Variants in PLEKHA5 observed in about 807,000 individuals in gnomAD.
PLEKHA5 encodes the protein pleckstrin homology domain containing A5.
In PLEKHA5, 55 loss-of-function variants were observed where a neutral mutation model predicts 181.9. The observed-to-expected ratio is 0.30, with a 90% CI of 0.24 to 0.38. The LOEUF (loss-of-function observed/expected upper bound fraction) is 0.38. PLEKHA5 is among the 10% of genes least tolerant of loss of function. The probability of loss-of-function intolerance (pLI) is 1.00; values close to 1 mark genes in which losing one functional copy is unlikely to be tolerated. For synonymous variants in PLEKHA5, 535 were observed against 529.4 expected, an observed-to-expected ratio of 1.01 and a Z score of -0.15; for missense variants, 1,432 against 1,549.5, an observed-to-expected ratio of 0.92 and a Z score of 1.27.
intron 3 of PLEKHA5, among the ~76,000 whole-genome samples, chr12:19,253,063 C>CTTT (rs1314175368): frequency 5.8e-5 from 3 of 51,992 alleles, no homozygotes; most frequent in Non-Finnish European, 1.7e-4. Context: ...AATCAACTTA[C>CTTT]CTTTTTTTTT....
intron 11 of PLEKHA5, among the ~76,000 whole-genome samples, chr12:19,277,078 T>A (rs1241863774): frequency 1.3e-5 from 2 of 152,098 alleles, no homozygotes; most frequent in Non-Finnish European, 2.9e-5. Flanking sequence ...CAGACATGAA[T>A]AAGCTTATAT....
rs377625940 is a variant in PLEKHA5, at chr12:19,281,007, A to G, written c.1314-2273A>G. Among the ~76,000 whole-genome samples, 34 of 152,212 alleles carry G rather than the reference A, an allele frequency of 2.2e-4. 2 individuals are homozygous for G. The East Asian group carries it at 5.2e-3, about 23-fold the overall frequency. On this transcript the variant is annotated intron_variant, in intron 11 of 31. Transcript: ENST00000429027. ...ATTACAGGCGCAAGCCACCACGCCC[A>G]GCCTAATCTTACTTTTTCTAATCTA...
rs1565844283 is a variant in PLEKHA5, at chr12:19,130,128, C to G, written c.167C>G (p.Thr56Arg). The G allele has an allele frequency of 6.4e-7, 1 of 1,562,638 alleles. No individual in the cohort carries two copies. The highest frequency in any genetic ancestry group is 8.7e-7 in the Non-Finnish European group (1 of 1,154,908). The change falls in exon 2 of 32, where the codon ACA (threonine) becomes AGA (arginine). Residue 56 changes from threonine to arginine, a missense_variant and splice_region_variant. By Grantham distance (71) the Thr-to-Arg change is moderately conservative. Around this residue, in one of 2 missense-constraint regions of PLEKHA5, gnomAD observed 289 missense variants for 381.1 expected, o/e 0.76. Coordinates refer to ENST00000429027, the MANE Select transcript of PLEKHA5 (RefSeq NM_001256470.2). The surrounding 1 kb of genome is among the most constrained non-coding windows in gnomAD (Gnocchi z 4.5). ...GTCACCGGACACCGGCGGCAGAGCA[C>G]AGGTAACGCCGGGCCCAAACGGAGT... ...AVVTGHRRQS[T>R]DLPTGWEEAY...
intron 12 of PLEKHA5, among the ~76,000 whole-genome samples, 172 bp from the exon 13 acceptor site, chr12:19,287,301 G>GC (rs1455414591): frequency 1.3e-5 from 2 of 152,108 alleles, no homozygotes; most frequent in African/African-American, 4.8e-5. Context: ...ACCGCACCCA[G>GC]CCCCACATCA....
At chr12:19,172,397 G>T (rs1283819513) in intron 3 of PLEKHA5, among the ~76,000 whole-genome samples, 1 of 145,324 alleles carries the variant, frequency 6.9e-6, no homozygotes, top group African/African-American at 2.5e-5. Context: ...ATCTGGCAAA[G>T]AAATCATATC....
intron 21 of PLEKHA5, among the ~76,000 whole-genome samples, chr12:19,341,459 G>T (rs1288805514): frequency 2.0e-5 from 3 of 151,988 alleles, no homozygotes; most frequent in Admixed American, 6.6e-5. Context: ...GCAAGGATCT[G>T]TTATTTATAG....
At chr12:19,365,262 G>T (rs2095390250) in intron 29 of PLEKHA5, among the ~76,000 whole-genome samples, 3 of 151,738 alleles carry the variant, frequency 2.0e-5, no homozygotes, top group Admixed American at 6.6e-5. Context: ...TGCTACTCGG[G>T]AGGCTGAGGC....
Position 19,290,744 on chromosome 12 carries a change from A to G in PLEKHA5, c.1931A>G (p.Glu644Gly). Reference sequence around the variant, plus strand: ...CAAGCCGAACTGAGTAGTATCCGGGAGCATACGTTAGCACAGCTCATGCAG... The same window carrying G: ...CAAGCCGAACTGAGTAGTATCCGGGGGCATACGTTAGCACAGCTCATGCAG... ...RQQAELSSIR[E>G]HTLAQLMQLK... The change falls in exon 14 of 32, where the codon GAG becomes GGG. Residue 644 changes from glutamate to glycine, a missense_variant. Around this residue, in one of 2 missense-constraint regions of PLEKHA5, gnomAD observed 1,143 missense variants for 1,168.4 expected, o/e 0.98. Coordinates refer to ENST00000429027, the MANE Select transcript of PLEKHA5 (RefSeq NM_001256470.2). The G allele has an allele frequency of 6.5e-7, 1 of 1,536,176 alleles. No individual in the cohort carries two copies. The highest frequency in any genetic ancestry group is 1.2e-5 in the South Asian group (1 of 84,010).
intron 3 of PLEKHA5, among the ~76,000 whole-genome samples, chr12:19,209,685 A>G (rs1244500972): frequency 6.6e-6 from 1 of 152,226 alleles, no homozygotes; most frequent in Non-Finnish European, 1.5e-5. Flanking sequence ...AGTACAATCA[A>G]AGCAGTGGCT....
chr12:19,146,569 A>G (rs1326786127), intron 3 of PLEKHA5, among the ~76,000 whole-genome samples: 3 of 152,232 alleles, frequency 2.0e-5, no homozygotes, highest in South Asian at 2.1e-4. Flanking sequence ...AATGCTGTCA[A>G]TCTGTGTCTT....
At chr12:19,151,689 C>G (rs2040423710) in intron 3 of PLEKHA5, 1 of 151,932 alleles carries the variant, frequency 6.6e-6, no homozygotes. Flanking sequence ...CAAATGTAAA[C>G]TCTTTAGAGA....
At chr12:19,224,302 A>G (rs990762116) in intron 3 of PLEKHA5, among the ~76,000 whole-genome samples, 2 of 152,202 alleles carry the variant, frequency 1.3e-5, no homozygotes, top group African/African-American at 2.4e-5. Context: ...GGTTAATAGT[A>G]CATGTGGCAC....
intron 25 of PLEKHA5, 75 bp downstream of exon 25, chr12:19,348,594 T>G: frequency 6.1e-6 from 7 of 1,146,114 alleles, no homozygotes; most frequent in Non-Finnish European, 8.5e-6. Context: ...AGTAGTAAAT[T>G]CCATTTACAT....
chr12:19,181,792 T>G (rs1423799711), intron 3 of PLEKHA5, among the ~76,000 whole-genome samples: 2 of 152,026 alleles, frequency 1.3e-5, no homozygotes, highest in Non-Finnish European at 2.9e-5. Context: ...AAAAAGCCCC[T>G]TAGAGAACAA....
intron 21 of PLEKHA5, among the ~76,000 whole-genome samples, chr12:19,342,774 C>G: frequency 6.6e-6 from 1 of 151,478 alleles, no homozygotes; most frequent in East Asian, 1.9e-4. Context: ...AAGACTCTGT[C>G]TCAAAAAAAA....
At chr12:19,249,821 AT>A (rs2064787087) in intron 3 of PLEKHA5, among the ~76,000 whole-genome samples, 1 of 152,190 alleles carries the variant, frequency 6.6e-6, no homozygotes, top group Non-Finnish European at 1.5e-5. Flanking sequence ...CTCAACTGCC[AT>A]TGTTTTCTGC....
At chr12:19,137,356 A>G (rs1275026643) in intron 3 of PLEKHA5, among the ~76,000 whole-genome samples, 3 of 152,228 alleles carry the variant, frequency 2.0e-5, no homozygotes, top group African/African-American at 7.2e-5. Flanking sequence ...CTATAATAAT[A>G]TAACCAAATT....
Position 19,336,625 on chromosome 12 carries a change from G to C in PLEKHA5, c.2550+9G>C. The C allele has an allele frequency of 2.1e-6, 3 of 1,461,056 alleles. No homozygotes were observed. The South Asian group carries it at 3.4e-5, about 17-fold the overall frequency. The allele number at this position is 1,461,056 out of a possible 1,614,324, so 90.5% of individuals were successfully genotyped here. On this transcript the variant is annotated intron_variant, in intron 21 of 31. Coordinates refer to ENST00000429027, the MANE Select transcript of PLEKHA5 (RefSeq NM_001256470.2). ...ACCTTGGTGAAGTTCAGGTACAAAAGTATAATATTCTTTATATTGTTTTAA... is the reference window on the plus strand; with the variant it reads ...ACCTTGGTGAAGTTCAGGTACAAAACTATAATATTCTTTATATTGTTTTAA...
chr12:19,224,542 G>A (rs143602949), intron 3 of PLEKHA5, among the ~76,000 whole-genome samples: 111 of 151,990 alleles, frequency 7.3e-4, no homozygotes, highest in African/African-American at 2.5e-3. Context: ...AACCAAATAG[G>A]GCCATATGAA....
Sources: gnomAD v4.1 joint callset for allele counts (sites outside exome capture counted in the v4.1 genomes callset) on GRCh38, gnomAD v4.1.1 for gene constraint, gnomAD v4.1.1 regional missense constraint, Gnocchi (gnomAD v3.1) non-coding constraint, MANE v1.5 for transcripts, NCBI Gene and HGNC (gene_info 2026-07-23, HGNC 2026-07-21) for gene names.